The following DGKH variants were observed in gnomAD, a reference collection of about 807,000 sequenced individuals.
The protein encoded by DGKH is diacylglycerol kinase eta.
In DGKH, 90 loss-of-function variants were observed where a neutral mutation model predicts 159.3. That is an observed-to-expected ratio of 0.57 (90% CI 0.48 to 0.67). DGKH has a LOEUF of 0.67. Ranked by LOEUF, DGKH falls within the 30% of genes least tolerant of loss-of-function variation. The pLI, the probability that DGKH is intolerant of heterozygous loss-of-function variation, is 0.00. For missense variants in DGKH, 1,181 were observed against 1,506.1 expected (o/e 0.78, Z 3.57); for synonymous variants, 536 against 553.8 (o/e 0.97, Z 0.45).
At chr13:42,127,836 A>G (rs1955202060) in intron 2 of DGKH, among the ~76,000 whole-genome samples, 1 of 152,214 alleles carries the variant, frequency 6.6e-6, no homozygotes, top group Non-Finnish European at 1.5e-5. Context: ...TCCAATTAAA[A>G]TAAAACATTA....
chr13:42,223,969 C>T (rs993330836), intron 29 of DGKH, among the ~76,000 whole-genome samples: 22 of 152,134 alleles, frequency 1.4e-4, no homozygotes, highest in African/African-American at 4.8e-4. Context: ...TATTTAACAC[C>T]CACTTATGAG....
At chr13:42,093,265 T>C (rs1954456643) in intron 1 of DGKH, among the ~76,000 whole-genome samples, 3 of 149,564 alleles carry the variant, frequency 2.0e-5, no homozygotes, top group African/African-American at 7.4e-5. Context: ...AAAAAGATGC[T>C]CAACATCAGT....
In DGKH at chr13:42,230,524, T is replaced by G. The variant is rs1958261876; in HGVS notation, c.*1336T>G. ...CAAAAATATCCTTAAATAAGCTTTC[T>G]TTAGCCATTATATACCAAAACATTA... On this transcript the variant is annotated 3_prime_UTR_variant, in exon 30 of 30. Transcript: ENST00000337343. The G allele has an allele frequency of 6.6e-6, 1 of 152,114 alleles. No homozygotes were observed. The highest frequency in any genetic ancestry group is 2.4e-5 in the African/African-American group (1 of 41,432). 9.4% of individuals were successfully genotyped at this position (152,114 alleles called of 1,614,324 possible).
intron 16 of DGKH, among the ~76,000 whole-genome samples, 200 bp from the exon 17 acceptor site, chr13:42,194,685 A>G (rs1479980001): frequency 6.6e-6 from 1 of 152,220 alleles, no homozygotes; most frequent in Non-Finnish European, 1.5e-5. Flanking sequence ...TTCTACTGAT[A>G]TTCATTGATT....
intron 1 of DGKH, among the ~76,000 whole-genome samples, chr13:42,061,594 G>T (rs917830259): frequency 1.3e-5 from 2 of 151,956 alleles, no homozygotes; most frequent in African/African-American, 4.8e-5. Context: ...TTTATTATCT[G>T]TCATTTGGAT....
intron 13 of DGKH, 119 bp from the exon 14 acceptor site, chr13:42,186,930 T>A: frequency 1.2e-6 from 1 of 815,412 alleles, no homozygotes; most frequent in African/African-American, 1.7e-5. Flanking sequence ...TAGATTTATA[T>A]ACAGATGACC....
chr13:42,146,919 T>G (rs1955749710), intron 3 of DGKH, among the ~76,000 whole-genome samples: 1 of 152,198 alleles, frequency 6.6e-6, no homozygotes, highest in African/African-American at 2.4e-5. Flanking sequence ...TTTTAAAAAA[T>G]GCTACATGGG....
intron 13 of DGKH, among the ~76,000 whole-genome samples, chr13:42,182,329 C>G (rs543240583): frequency 3.3e-5 from 5 of 152,306 alleles, no homozygotes; most frequent in African/African-American, 1.2e-4. Context: ...CATCTGCTTC[C>G]TACTTTATTT....
chr13:42,117,450 G>A (rs188336975), intron 1 of DGKH, among the ~76,000 whole-genome samples: 33 of 152,242 alleles, frequency 2.2e-4, no homozygotes, highest in African/African-American at 7.5e-4. Flanking sequence ...CTGTTTAGCC[G>A]TACATAAACA....
chr13:42,144,681 C>CAA (rs767172052), intron 3 of DGKH, among the ~76,000 whole-genome samples: 2 of 101,630 alleles, frequency 2.0e-5, no homozygotes, highest in Admixed American at 2.2e-4. Context: ...GACTGTGTCT[C>CAA]AAAAAAAAAA....
chr13:42,085,643 C>A (rs1954287969), intron 1 of DGKH, among the ~76,000 whole-genome samples: 1 of 152,108 alleles, frequency 6.6e-6, no homozygotes, highest in Admixed American at 6.5e-5. Flanking sequence ...GTAGAAATAA[C>A]ATTTTCAAAG....
At chr13:42,168,924 G>A in intron 11 of DGKH, 106 bp downstream of exon 11, 1 of 1,270,888 alleles carries the variant, frequency 7.9e-7, no homozygotes, top group Non-Finnish European at 1.1e-6. Flanking sequence ...CTGACTAGAA[G>A]CTCCACGAAG....
Position 42,238,754 on chromosome 13 carries a change from G to A in DGKH, c.*9566G>A, listed in dbSNP as rs7327249. ...TAATGGAACTCTGGGTATGATTAAG[G>A]GAATTAAATTAGAAAGTAGAATAAC... On this transcript the variant is annotated 3_prime_UTR_variant, in exon 30 of 30. Coordinates refer to ENST00000337343, the MANE Select transcript of DGKH (RefSeq NM_178009.5). 2 of 151,982 alleles carry A rather than the reference G, an allele frequency of 1.3e-5. No individual in the cohort carries two copies. The highest frequency in any genetic ancestry group is 4.8e-5 in the African/African-American group (2 of 41,376). The allele number at this position is 151,982 out of a possible 1,614,324, so 9.4% of individuals were successfully genotyped here.
chr13:42,155,177 A>G, intron 3 of DGKH, 114 bp from the exon 4 acceptor site: 1 of 804,246 alleles, frequency 1.2e-6, no homozygotes, highest in East Asian at 2.6e-5. Flanking sequence ...GATTACAAAA[A>G]CGTAAGAAAT....
In DGKH at chr13:42,194,905, C is replaced by G; in HGVS notation, c.2056C>G (p.Pro686Ala). The G allele has an allele frequency of 1.2e-6, 2 of 1,613,866 alleles. No individual in the cohort carries two copies. The highest frequency in any genetic ancestry group is 1.7e-6 in the Non-Finnish European group (2 of 1,179,908). Residue 686 changes from proline to alanine, a missense_variant, in exon 17 of 30, where the codon CCA (proline) becomes GCA (alanine). By Grantham distance (27) the Pro-to-Ala change is conservative. Transcript: ENST00000337343. Reference protein sequence around the residue: ...SITVKTAPRSPDARASYGHSQ... With the variant: ...SITVKTAPRSADARASYGHSQ... ...AACAGTTAAAACTGCACCTCGGTCT[C>G]CAGATGCCCGGGCAAGTTATGGCCA...
At chr13:42,212,533 C>T (rs1957681573) in intron 24 of DGKH, among the ~76,000 whole-genome samples, 1 of 152,108 alleles carries the variant, frequency 6.6e-6, no homozygotes, top group South Asian at 2.1e-4. Flanking sequence ...ATGTTCTCAT[C>T]CTGTGAACCA....
intron 20 of DGKH, 23 bp from the exon 21 acceptor site, chr13:42,206,016 T>C (rs1389669883): frequency 9.7e-7 from 1 of 1,032,982 alleles, no homozygotes; most frequent in Non-Finnish European, 1.2e-6. Context: ...TCTCTACTTT[T>C]TTTTTTTTTT....
chr13:42,198,230 A>T lies in DGKH; in HGVS notation c.2168-248A>T, dbSNP rs115816785. On this transcript the variant is annotated intron_variant, in intron 17 of 29. Transcript: ENST00000337343. ...GTAAATGAGAAAGTGTCACAAAGCC[A>T]TTCCTATTTAGGTCCTCCTCTCCTT... 1.9e-3 allele frequency among the ~76,000 whole-genome samples: 283 copies of T among 152,324 alleles called. 2 individuals are homozygous for T. The highest frequency in any genetic ancestry group is 6.7e-3 in the African/African-American group (280 of 41,572).
At chr13:42,155,205 A>G in intron 3 of DGKH, 86 bp from the exon 4 acceptor site, 2 of 987,680 alleles carry the variant, frequency 2.0e-6, no homozygotes, top group South Asian at 1.9e-5. Flanking sequence ...CAAGTTAGAA[A>G]TGGAATTACC....
Sources: allele counts gnomAD v4.1 joint callset (sites outside exome capture counted in the v4.1 genomes callset), GRCh38; gene constraint gnomAD v4.1.1; transcripts MANE v1.5; gene names NCBI Gene and HGNC (gene_info 2026-07-23, HGNC 2026-07-21).